TAS2R1: variants seen among roughly 807,000 people sequenced by gnomAD.
The protein encoded by TAS2R1 is taste 2 receptor member 1, also known as taste receptor type 2 member 1.
For missense variants in TAS2R1, 370 were observed against 353.4 expected (o/e 1.05, Z -0.38); for synonymous variants, 141 against 134.2 (o/e 1.05, Z -0.35).
At chr5:9,834,837 C>T in the TAS2R1 span, among the ~76,000 whole-genome samples, 1 of 152,118 alleles carries the variant, frequency 6.6e-6, no homozygotes, top group South Asian at 2.1e-4. Context: ...AAGCACTTCT[C>T]CCCATCGATA....
At chr5:9,716,121 T>C (rs188779264), upstream of TAS2R1, among the ~76,000 whole-genome samples, 2 of 152,264 alleles carry the variant, frequency 1.3e-5, no homozygotes, top group African/African-American at 2.4e-5. Flanking sequence ...ATTATTCTAG[T>C]ATTGAGACAG....
the TAS2R1 span, among the ~76,000 whole-genome samples, chr5:9,808,982 T>A: frequency 6.6e-6 from 1 of 152,196 alleles, no homozygotes; most frequent in African/African-American, 2.4e-5. Flanking sequence ...TAAGACAAAT[T>A]TAAATTTTTG....
At chr5:9,759,525 T>C in the TAS2R1 span, among the ~76,000 whole-genome samples, 1 of 152,238 alleles carries the variant, frequency 6.6e-6, no homozygotes, top group Non-Finnish European at 1.5e-5. Context: ...TTTTAAATAA[T>C]ATCCATATTA....
At chr5:9,874,673 C>A in the TAS2R1 span, among the ~76,000 whole-genome samples, 1 of 152,160 alleles carries the variant, frequency 6.6e-6, no homozygotes, top group African/African-American at 2.4e-5. Context: ...TGAATCCCCG[C>A]GCTACAGGTC....
the TAS2R1 span, among the ~76,000 whole-genome samples, chr5:9,852,103 T>G: frequency 6.6e-6 from 1 of 152,196 alleles, no homozygotes; most frequent in Non-Finnish European, 1.5e-5. Flanking sequence ...GTATAGTATA[T>G]TATAGATGTG....
chr5:9,690,556 T>C (rs895369803), intron 1 of TAS2R1, among the ~76,000 whole-genome samples: 5 of 152,086 alleles, frequency 3.3e-5, no homozygotes. Flanking sequence ...TGTTGTCTAA[T>C]TAGCCAAATG....
the TAS2R1 span, among the ~76,000 whole-genome samples, chr5:9,855,254 C>G: frequency 2.0e-5 from 3 of 152,192 alleles, no homozygotes; most frequent in Non-Finnish European, 2.9e-5. Flanking sequence ...TCCTGCCTGA[C>G]CATTGCTCAG....
At chr5:9,693,217 T>G (rs1292993909) in intron 1 of TAS2R1, among the ~76,000 whole-genome samples, 1 of 152,088 alleles carries the variant, frequency 6.6e-6, no homozygotes, top group African/African-American at 2.4e-5. Flanking sequence ...TTTTAAAAAT[T>G]TGGTCTCTTG....
intron 1 of TAS2R1, among the ~76,000 whole-genome samples, chr5:9,667,690 A>G (rs1323391048): frequency 1.3e-5 from 2 of 152,210 alleles, no homozygotes; most frequent in Non-Finnish European, 2.9e-5. Context: ...GGAGTGAACT[A>G]AAATTGAAGC....
chr5:9,767,696 G>A, the TAS2R1 span, among the ~76,000 whole-genome samples: 4 of 152,216 alleles, frequency 2.6e-5, no homozygotes, highest in East Asian at 1.9e-4. Context: ...TTGGGAGGCC[G>A]AGGGTGGTGG....
the TAS2R1 span, among the ~76,000 whole-genome samples, chr5:9,747,652 C>A: frequency 3.6e-4 from 55 of 152,124 alleles, no homozygotes; most frequent in Non-Finnish European, 7.4e-4. Flanking sequence ...TAGGCCCCAC[C>A]TCCAACACTG....
the TAS2R1 span, among the ~76,000 whole-genome samples, chr5:9,834,711 G>A: frequency 6.6e-6 from 1 of 151,522 alleles, no homozygotes; most frequent in South Asian, 2.1e-4. Flanking sequence ...AGTATTAGGG[G>A]TAGTGCTGAC....
the TAS2R1 span, among the ~76,000 whole-genome samples, chr5:9,792,646 G>A: frequency 6.6e-6 from 1 of 152,168 alleles, no homozygotes; most frequent in African/African-American, 2.4e-5. Context: ...ATATCCCTGG[G>A]AAGTTCCCAA....
At chr5:9,793,675 C>G in the TAS2R1 span, among the ~76,000 whole-genome samples, 1 of 152,180 alleles carries the variant, frequency 6.6e-6, no homozygotes, top group Non-Finnish European at 1.5e-5. Flanking sequence ...TCAGGCAGAA[C>G]AGAAACCAGA....
intron 1 of TAS2R1, among the ~76,000 whole-genome samples, chr5:9,709,277 T>C (rs1319980946): frequency 6.6e-6 from 1 of 152,118 alleles, no homozygotes; most frequent in African/African-American, 2.4e-5. Flanking sequence ...TTGTTTCAAT[T>C]ATAGGGCCTC....
chr5:9,740,396 C>A, the TAS2R1 span, among the ~76,000 whole-genome samples: 4 of 152,174 alleles, frequency 2.6e-5, no homozygotes, highest in Non-Finnish European at 5.9e-5. Context: ...GCTTCTGATT[C>A]TCCTACCACA....
the TAS2R1 span, among the ~76,000 whole-genome samples, chr5:9,804,708 T>A: frequency 2.6e-5 from 4 of 152,002 alleles, no homozygotes; most frequent in Admixed American, 1.3e-4. Context: ...ATAACAGTGA[T>A]AAAACTTGTC....
At chr5:9,792,250 T>C in the TAS2R1 span, among the ~76,000 whole-genome samples, 1 of 152,214 alleles carries the variant, frequency 6.6e-6, no homozygotes, top group East Asian at 1.9e-4. Context: ...CATATATGCA[T>C]GTAAATGCAT....
chr5:9,761,376 A>G, the TAS2R1 span, among the ~76,000 whole-genome samples: 2 of 152,064 alleles, frequency 1.3e-5, no homozygotes, highest in Non-Finnish European at 2.9e-5. Flanking sequence ...AAATAGCCTA[A>G]CTAGAGGAAG....
Sources: allele counts gnomAD v4.1 joint callset (sites outside exome capture counted in the v4.1 genomes callset), GRCh38; gene constraint gnomAD v4.1.1; transcripts MANE v1.5; gene names NCBI Gene and HGNC (gene_info 2026-07-23, HGNC 2026-07-21).